ROBO2: variants seen among roughly 807,000 people sequenced by gnomAD.
ROBO2 encodes roundabout guidance receptor 2, also known as roundabout homolog 2.
ROBO2 carries 53 observed loss-of-function variants against 160.8 expected under a neutral mutation model. That is an observed-to-expected ratio of 0.33 (90% CI 0.26 to 0.41). The LOEUF is 0.41. ROBO2 is among the 10% of genes least tolerant of loss of function. The pLI is 1.00. For missense variants in ROBO2, 1,577 were observed against 1,722.4 expected, an observed-to-expected ratio of 0.92 and a Z score of 1.49; for synonymous variants, 664 against 611.7, an observed-to-expected ratio of 1.09 and a Z score of -1.26.
intron 2 of ROBO2, among the ~76,000 whole-genome samples, chr3:76,026,379 A>G (rs1419689448): frequency 6.6e-6 from 1 of 151,886 alleles, no homozygotes; most frequent in Non-Finnish European, 1.5e-5. Flanking sequence ...AATTTAATCA[A>G]CCCTTTCTTA....
intron 2 of ROBO2, among the ~76,000 whole-genome samples, chr3:77,198,354 TAGGGGA>T (rs1420959298): frequency 6.6e-6 from 1 of 152,142 alleles, no homozygotes; most frequent in East Asian, 1.9e-4. Flanking sequence ...TATAAAGACC[TAGGGGA>T]AGGAAATTTT....
chr3:77,600,481 G>C (rs1285961109), intron 19 of ROBO2, among the ~76,000 whole-genome samples: 1 of 152,098 alleles, frequency 6.6e-6, no homozygotes, highest in Non-Finnish European at 1.5e-5. Flanking sequence ...TTAGATTCTT[G>C]GACCACTTTT....
chr3:77,249,520 C>T (rs2153286826), intron 2 of ROBO2, among the ~76,000 whole-genome samples: 1 of 152,278 alleles, frequency 6.6e-6, no homozygotes, highest in East Asian at 1.9e-4. Flanking sequence ...TTAGCTATAG[C>T]AGCCAGCCCT....
intron 2 of ROBO2, among the ~76,000 whole-genome samples, chr3:77,360,995 C>T (rs1322294490): frequency 6.6e-6 from 1 of 151,818 alleles, no homozygotes; most frequent in Non-Finnish European, 1.5e-5. Context: ...TTTTAAATTG[C>T]ATAGGCAAAA....
intron 2 of ROBO2, among the ~76,000 whole-genome samples, chr3:76,922,631 AT>A (rs1282994677): frequency 6.6e-6 from 1 of 152,156 alleles, no homozygotes; most frequent in Non-Finnish European, 1.5e-5. Context: ...GCAACGACCT[AT>A]TTTATCGACC....
At chr3:76,663,089 G>T (rs1479550333) in intron 2 of ROBO2, among the ~76,000 whole-genome samples, 2 of 152,122 alleles carry the variant, frequency 1.3e-5, no homozygotes, top group East Asian at 1.9e-4. Flanking sequence ...CCAAGAAAGT[G>T]TATCAGTGGC....
chr3:76,222,071 G>A (rs1704001565), intron 2 of ROBO2, among the ~76,000 whole-genome samples: 1 of 152,120 alleles, frequency 6.6e-6, no homozygotes, highest in African/African-American at 2.4e-5. Context: ...GGTGGCCATA[G>A]CTAGGTCAGC....
chr3:77,260,242 A>C (rs2058689994), intron 2 of ROBO2, among the ~76,000 whole-genome samples: 1 of 152,096 alleles, frequency 6.6e-6, no homozygotes, highest in South Asian at 2.1e-4. Flanking sequence ...ATACTTTTTC[A>C]ATTTACTGAA....
intron 2 of ROBO2, among the ~76,000 whole-genome samples, chr3:77,155,987 G>A (rs541554474): frequency 5.1e-4 from 77 of 151,790 alleles, no homozygotes; most frequent in Non-Finnish European, 7.4e-4. Context: ...CTCATCTGTG[G>A]TCATTGCTTT....
At chr3:77,383,654 A>G (rs55786338) in intron 2 of ROBO2, among the ~76,000 whole-genome samples, 7,982 of 152,182 alleles carry the variant, frequency 0.052, 446 homozygotes, top group East Asian at 0.2. Flanking sequence ...AGGTAGATAT[A>G]TTGATTTTAA....
intron 2 of ROBO2, among the ~76,000 whole-genome samples, chr3:76,308,376 C>CAAAAAAAAA (rs71277580): frequency 1.2e-4 from 10 of 85,312 alleles, no homozygotes; most frequent in South Asian, 5.1e-4. Context: ...GACTCTGTCT[C>CAAAAAAAAA]AAAAAAAAAA....
At chr3:76,009,323 T>A (rs2066127648) in intron 2 of ROBO2, among the ~76,000 whole-genome samples, 1 of 152,170 alleles carries the variant, frequency 6.6e-6, no homozygotes, top group Admixed American at 6.5e-5. Flanking sequence ...CAGGATGGTC[T>A]CGATCTCCTG....
intron 2 of ROBO2, among the ~76,000 whole-genome samples, chr3:77,256,737 C>A (rs1239261307): frequency 6.6e-6 from 1 of 152,234 alleles, no homozygotes; most frequent in East Asian, 1.9e-4. Flanking sequence ...AGCATGAAAC[C>A]AAGGCTCTCG....
intron 22 of ROBO2, among the ~76,000 whole-genome samples, chr3:77,621,721 T>G (rs2094904114): frequency 6.6e-6 from 1 of 151,894 alleles, no homozygotes; most frequent in South Asian, 2.1e-4. Context: ...GTGAGAGAGA[T>G]CGTGTGGGGA....
intron 2 of ROBO2, among the ~76,000 whole-genome samples, chr3:76,750,998 A>G (rs2093976249): frequency 6.6e-6 from 1 of 152,158 alleles, no homozygotes; most frequent in Non-Finnish European, 1.5e-5. Flanking sequence ...GACAATCCTA[A>G]GCCAAAAGAA....
intron 2 of ROBO2, among the ~76,000 whole-genome samples, chr3:77,246,327 ATGTGTGTG>A (rs71104664): frequency 3.3e-4 from 48 of 145,828 alleles, no homozygotes; most frequent in African/African-American, 8.4e-4. Context: ...GTGTATGTGT[ATGTGTGTG>A]TGTGTGTGTG....
intron 2 of ROBO2, among the ~76,000 whole-genome samples, chr3:76,284,299 C>T (rs946251950): frequency 6.6e-6 from 1 of 151,888 alleles, no homozygotes; most frequent in Non-Finnish European, 1.5e-5. Flanking sequence ...AGAAGCTTGC[C>T]TCTTTCACCT....
At chr3:76,792,395 C>T (rs1318586865) in intron 2 of ROBO2, among the ~76,000 whole-genome samples, 2 of 151,600 alleles carry the variant, frequency 1.3e-5, no homozygotes, top group Admixed American at 6.6e-5. Flanking sequence ...GGACCCATCC[C>T]CTGCAGATAC....
At chr3:77,180,416 C>A (rs58115084) in intron 2 of ROBO2, among the ~76,000 whole-genome samples, 16,650 of 90,894 alleles carry the variant, frequency 0.18, 2,323 homozygotes, top group African/African-American at 0.36. Context: ...CTCTCTCTCT[C>A]TATATATATA....
Sources: gnomAD v4.1 joint callset for allele counts (sites outside exome capture counted in the v4.1 genomes callset) on GRCh38, gnomAD v4.1.1 for gene constraint, MANE v1.5 for transcripts, NCBI Gene and HGNC (gene_info 2026-07-23, HGNC 2026-07-21) for gene names.